SLC52A1: variants seen among roughly 807,000 people sequenced by gnomAD.
SLC52A1 encodes the protein solute carrier family 52, riboflavin transporter, member 1.
Under a neutral mutation model 23.2 loss-of-function variants are expected in SLC52A1, and 20 were observed. The ratio of observed to expected loss-of-function variants is 0.86; its 90% CI spans 0.61 to 1.25. The LOEUF is 1.25. Ranked by LOEUF, SLC52A1 falls within the 50% of genes most tolerant of loss-of-function variation. SLC52A1 has a pLI of 0.00. For missense variants in SLC52A1, 528 were observed against 557.0 expected (o/e 0.95, Z 0.52); for synonymous variants, 260 against 256.6 (o/e 1.01, Z -0.13).
rs755844433 is a variant in SLC52A1, at chr17:5,034,185, C to T, written c.304G>A (p.Val102Met). 10 of 1,614,060 alleles carry T rather than the reference C, an allele frequency of 6.2e-6. No individual in the cohort carries two copies. The highest frequency in any genetic ancestry group is 2.7e-5 in the African/African-American group (2 of 74,932). Reference sequence around the variant, plus strand: ...TGGAGCTGCCCTGCCACTGGGGCCACGTGGTGCCACAGAGGGGCCAGCAGG... The same window carrying T: ...TGGAGCTGCCCTGCCACTGGGGCCATGTGGTGCCACAGAGGGGCCAGCAGG... ...TALLAPLWHH[V>M]APVAGQLHSV... The change falls in exon 3 of 5, where the codon GTG (valine) becomes ATG (methionine). Residue 102 changes from valine to methionine, a missense_variant. Coordinates refer to ENST00000254853, the MANE Select transcript of SLC52A1 (RefSeq NM_017986.4).
chr17:5,034,543 C>G lies in SLC52A1; in HGVS notation c.64G>C (p.Gly22Arg). ...ATCCCGTTCACAGCAGCCCAGGAGC[C>G]CATGCCAAAAAGGGCCACCAGCAGG... ...THLLVALFGM[G>R]SWAAVNGIWV... The change falls in exon 2 of 5, where the codon GGC becomes CGC. Residue 22 changes from glycine to arginine, a missense_variant. Physicochemically the swap from Gly to Arg is moderately radical, Grantham distance 125. Coordinates refer to ENST00000254853, the MANE Select transcript of SLC52A1 (RefSeq NM_017986.4). 1.2e-6 allele frequency: 2 copies of G among 1,614,184 alleles called. No individual in the cohort carries two copies. Among genetic ancestry groups the G allele is most frequent in the Non-Finnish European group, 1.7e-6 (2 of 1,180,028 alleles).
In SLC52A1 at chr17:5,033,659, G is replaced by T; in HGVS notation, c.830C>A (p.Ala277Asp). 2 of 1,614,040 alleles carry T rather than the reference G, an allele frequency of 1.2e-6. No homozygotes were observed. The highest frequency in any genetic ancestry group is 3.3e-4 in the Middle Eastern group (2 of 6,062). ...PDPEAHQLFS[A>D]HGAFLLGLMA... ...CAGGCCCAGCAGGAAGGCACCATGGGCTGAGAACAGCTGATGGGCCTCAGG... is the reference window on the plus strand; with the variant it reads ...CAGGCCCAGCAGGAAGGCACCATGGTCTGAGAACAGCTGATGGGCCTCAGG... Residue 277 changes from alanine to aspartate, a missense_variant, in exon 3 of 5, where the codon GCC (alanine) becomes GAC (aspartate). Physicochemically the swap from Ala to Asp is moderately radical, Grantham distance 126. Transcript: ENST00000254853.
chr17:5,040,597 G>A (rs1467573890), intron 1 of SLC52A1, among the ~76,000 whole-genome samples: 1 of 152,076 alleles, frequency 6.6e-6, no homozygotes, highest in African/African-American at 2.4e-5. Flanking sequence ...GCAAGGGATG[G>A]CCTTGGGGTC....
chr17:5,034,610 G>A lies in SLC52A1; in HGVS notation c.-4C>T. The stretch of plus-strand genomic sequence containing the variant: ...GGCCCAGCGTGGGTGCTGCCATTCA[G>A]CCCAAAGCTGGACCCTCCAGGACAG... On this transcript the variant is annotated 5_prime_UTR_variant, in exon 2 of 5. Coordinates refer to ENST00000254853, the MANE Select transcript of SLC52A1 (RefSeq NM_017986.4). 1 of 1,614,076 alleles carries A rather than the reference G, an allele frequency of 6.2e-7. No homozygotes were observed.
upstream of SLC52A1, among the ~76,000 whole-genome samples, chr17:5,038,779 G>A (rs1372064378): frequency 6.6e-6 from 1 of 151,698 alleles, no homozygotes; most frequent in Non-Finnish European, 1.5e-5. Flanking sequence ...TAGTAGAGAC[G>A]GGGTTTCACC....
At chr17:5,039,988 C>T (rs985731364), upstream of SLC52A1, among the ~76,000 whole-genome samples, 2 of 152,008 alleles carry the variant, frequency 1.3e-5, no homozygotes, top group South Asian at 2.1e-4. Context: ...GTCAAGGAGC[C>T]GGCTATAAAT....
chr17:5,033,580 A>G lies in SLC52A1; in HGVS notation c.909T>C (p.Phe303=). 1.2e-6 allele frequency: 2 copies of G among 1,614,004 alleles called. No homozygotes were observed. Among genetic ancestry groups the G allele is most frequent in the Non-Finnish European group, 1.7e-6 (2 of 1,180,008 alleles). The change falls in exon 3 of 5, where the codon TTT becomes TTC. Residue 303 remains phenylalanine, a synonymous_variant. Coordinates refer to ENST00000254853, the MANE Select transcript of SLC52A1 (RefSeq NM_017986.4). ...CCAGGCGCCCATAGGGCAAACAGGA[A>G]AAGCTCTGCACAGAAGGCAGCACGC... is the stretch of plus-strand genomic sequence containing the variant. The part of the protein sequence containing the change: ...TNGVLPSVQS[F]SCLPYGRLAY...
rs747246989 is a variant in SLC52A1, at chr17:5,033,702, T to C, written c.787A>G (p.Thr263Ala). The change falls in exon 3 of 5, where the codon ACC becomes GCC. Residue 263 changes from threonine (T) to alanine (A), a missense_variant. Transcript: ENST00000254853. ...LQEPPSQAAGTIPGPDPEAHQ... is the reference protein window; with the variant it reads ...LQEPPSQAAGAIPGPDPEAHQ... The stretch of plus-strand genomic sequence containing the variant: ...GCCTCAGGGTCTGGGCCAGGGATGG[T>C]GCCTGCTGCCTGGCTCGGTGGCTCC... 22 of 1,613,898 alleles carry C rather than the reference T, an allele frequency of 1.4e-5. No individual in the cohort carries two copies. The African/African-American group carries it at 2.7e-4, about 20-fold the overall frequency.
At chr17:5,036,645 C>T (rs544122832), upstream of SLC52A1, among the ~76,000 whole-genome samples, 131 of 151,784 alleles carry the variant, frequency 8.6e-4, no homozygotes, top group African/African-American at 2.9e-3. Context: ...CTCCTGACCT[C>T]AGGTGATCCG....
Position 5,034,558 on chromosome 17 carries a change from C to CA in SLC52A1, c.48_49insT (p.Ala17CysfsTer113). On this transcript the variant is annotated frameshift_variant, in exon 2 of 5. Coordinates refer to ENST00000254853, the MANE Select transcript of SLC52A1 (RefSeq NM_017986.4). LOFTEE classifies it high-confidence loss of function. ...GCCCAGGAGCCCATGCCAAAAAGGG[C>CA]CACCAGCAGGTGGGTCAGCACCAGA... The CA allele has an allele frequency of 6.2e-7, 1 of 1,614,224 alleles. No homozygotes were observed. The highest frequency in any genetic ancestry group is 8.5e-7 in the Non-Finnish European group (1 of 1,180,036).
Position 5,034,597 on chromosome 17 carries a change from G to A in SLC52A1, c.10C>T (p.Pro4Ser), listed in dbSNP as rs1326236352. ...GTCAGCACCAGACGGCCCAGCGTGG[G>A]TGCTGCCATTCAGCCCAAAGCTGGA... Reference protein sequence around the residue: MAAPTLGRLVLTHL... With the variant: MAASTLGRLVLTHL... Residue 4 changes from proline to serine, a missense_variant, in exon 2 of 5, where the codon CCC becomes TCC. Transcript: ENST00000254853. 1 of 1,614,176 alleles carries A rather than the reference G, an allele frequency of 6.2e-7. No individual in the cohort carries two copies.
chr17:5,037,207 A>G (rs1330650393), upstream of SLC52A1, among the ~76,000 whole-genome samples: 1 of 152,158 alleles, frequency 6.6e-6, no homozygotes, highest in Admixed American at 6.6e-5. Context: ...ACCCGTGAAA[A>G]CTAAAAGCAT....
chr17:5,035,526 CAG>C (rs1491441418), upstream of SLC52A1: 2 of 152,220 alleles, frequency 1.3e-5, no homozygotes, highest in East Asian at 3.9e-4. Flanking sequence ...CCGCCTGCCT[CAG>C]GGGGGCATCC....
chr17:5,038,778 C>T (rs1489316670), upstream of SLC52A1, among the ~76,000 whole-genome samples: 7 of 151,732 alleles, frequency 4.6e-5, no homozygotes, highest in African/African-American at 7.3e-5. Context: ...TTAGTAGAGA[C>T]GGGGTTTCAC....
chr17:5,038,753 AT>A (rs1333838592), upstream of SLC52A1, among the ~76,000 whole-genome samples: 3 of 151,644 alleles, frequency 2.0e-5, no homozygotes, highest in African/African-American at 4.8e-5. Flanking sequence ...CACCCGGCTA[AT>A]TTTTTTGTAT....
At chr17:5,035,908 C>T (rs1184448589), upstream of SLC52A1, among the ~76,000 whole-genome samples, 1 of 104,240 alleles carries the variant, frequency 9.6e-6, no homozygotes, top group Admixed American at 1.4e-4. Flanking sequence ...TTGGTAGAGA[C>T]AAGGTCTCAC....
Position 5,034,472 on chromosome 17 carries a change from C to T in SLC52A1, c.130+5G>A, listed in dbSNP as rs752290661. ...CACGCTTCCCTGTACCTCCCTCCCACTCACCCTCTGGAAGGTCTTTTACCA... is the reference window on the plus strand; with the variant it reads ...CACGCTTCCCTGTACCTCCCTCCCATTCACCCTCTGGAAGGTCTTTTACCA... On this transcript the variant is annotated splice_donor_5th_base_variant and intron_variant, in intron 2 of 4. Coordinates refer to ENST00000254853, the MANE Select transcript of SLC52A1 (RefSeq NM_017986.4). 1.1e-5 allele frequency: 17 copies of T among 1,614,244 alleles called. No homozygotes were observed. The South Asian group carries it at 1.8e-4, about 17-fold the overall frequency.
intron 1 of SLC52A1, among the ~76,000 whole-genome samples, chr17:5,042,281 T>C (rs1242437918): frequency 6.6e-6 from 1 of 152,170 alleles, no homozygotes; most frequent in African/African-American, 2.4e-5. Context: ...CTCTTCCTAC[T>C]GACTTCCTCT....
At position 5,033,733 on chromosome 17, in the gene SLC52A1, T is replaced by C. The variant is rs771817656; in HGVS notation, c.756A>G (p.Pro252=). The C allele has an allele frequency of 3.1e-6, 5 of 1,613,860 alleles. No homozygotes were observed. The African/African-American group carries it at 4.0e-5, about 13-fold the overall frequency. Residue 252 remains proline (P), a synonymous_variant, in exon 3 of 5, where the codon CCA becomes CCG. Coordinates refer to ENST00000254853, the MANE Select transcript of SLC52A1 (RefSeq NM_017986.4). ...CTGCCTGGCTCGGTGGCTCCTGCAA[T>C]GGCAAAGCCTCTTCTTCCTCCTTCT... ...EEEKEEEEAL[P]LQEPPSQAAG... is the part of the protein sequence containing the mutation.
Sources: gnomAD v4.1 joint callset for allele counts (sites outside exome capture counted in the v4.1 genomes callset) on GRCh38, gnomAD v4.1.1 for gene constraint, MANE v1.5 for transcripts, NCBI Gene and HGNC (gene_info 2026-07-23, HGNC 2026-07-21) for gene names.